The following GALNT1 variants were observed in gnomAD, a reference collection of about 807,000 sequenced individuals.
GALNT1 encodes GalNAc transferase 1.
GALNT1 carries 17 observed loss-of-function variants against 65.7 expected under a neutral mutation model. The observed-to-expected ratio is 0.26, with a 90% CI of 0.18 to 0.39. The LOEUF (loss-of-function observed/expected upper bound fraction) is 0.39, where lower values mean the gene tolerates loss of function less well. GALNT1 is among the 10% of genes least tolerant of loss of function. GALNT1 has a pLI of 1.00. For synonymous variants in GALNT1, 210 were observed against 219.7 expected, an observed-to-expected ratio of 0.96 and a Z score of 0.39; for missense variants, 460 against 672.8, an observed-to-expected ratio of 0.68 and a Z score of 3.50.
chr18:35,696,130 A>G (rs1266492002), intron 9 of GALNT1, among the ~76,000 whole-genome samples: 1 of 152,198 alleles, frequency 6.6e-6, no homozygotes, highest in African/African-American at 2.4e-5. Context: ...GCTGGCCTTA[A>G]GCCTTGTACG....
chr18:35,624,517 A>G (rs967968404), intron 1 of GALNT1, among the ~76,000 whole-genome samples: 1 of 152,160 alleles, frequency 6.6e-6, no homozygotes, highest in African/African-American at 2.4e-5. Context: ...CAGTTTGACA[A>G]TTTAGATATA....
intron 3 of GALNT1, chr18:35,664,516 T>G (rs2047518238): frequency 6.6e-6 from 1 of 152,292 alleles, no homozygotes; most frequent in Non-Finnish European, 1.5e-5. Context: ...TGTGACATTC[T>G]TGTTCATGTC....
chr18:35,698,819 A>T (rs1282241057), intron 9 of GALNT1, among the ~76,000 whole-genome samples: 1 of 152,028 alleles, frequency 6.6e-6, no homozygotes, highest in Non-Finnish European at 1.5e-5. Context: ...TCTACAAAAA[A>T]AAATAAAAAA....
intron 1 of GALNT1, among the ~76,000 whole-genome samples, chr18:35,594,314 T>C (rs896454753): frequency 6.6e-6 from 1 of 150,392 alleles, no homozygotes; most frequent in South Asian, 2.1e-4. Context: ...AACAAGGGAG[T>C]GTGAGGTAAA....
intron 3 of GALNT1, among the ~76,000 whole-genome samples, chr18:35,665,274 A>T (rs187986117): frequency 6.6e-6 from 1 of 152,360 alleles, no homozygotes; most frequent in Non-Finnish European, 1.5e-5. Flanking sequence ...TGAGAATAGG[A>T]TATTATTCAA....
intron 1 of GALNT1, among the ~76,000 whole-genome samples, chr18:35,628,453 A>G (rs1443263341): frequency 6.6e-6 from 1 of 152,214 alleles, no homozygotes; most frequent in African/African-American, 2.4e-5. Context: ...ACCCAGGCAA[A>G]CAGGGTCTGG....
intron 1 of GALNT1, among the ~76,000 whole-genome samples, chr18:35,635,650 C>G (rs1361899452): frequency 6.6e-6 from 1 of 152,068 alleles, no homozygotes; most frequent in African/African-American, 2.4e-5. Flanking sequence ...TAGATATACT[C>G]TTTAGAGTAT....
At chr18:35,608,643 CAAAA>C (rs745637301) in intron 1 of GALNT1, among the ~76,000 whole-genome samples, 1 of 152,074 alleles carries the variant, frequency 6.6e-6, no homozygotes, top group Non-Finnish European at 1.5e-5. Context: ...ATTGTAGACA[CAAAA>C]GAAAGACACG....
chr18:35,628,662 C>G (rs1249143651), intron 1 of GALNT1, among the ~76,000 whole-genome samples: 1 of 152,122 alleles, frequency 6.6e-6, no homozygotes, highest in African/African-American at 2.4e-5. Context: ...CAGAGCACCT[C>G]TCCTCCTCCA....
intron 1 of GALNT1, among the ~76,000 whole-genome samples, chr18:35,614,505 C>T (rs1316063087): frequency 2.6e-5 from 4 of 152,028 alleles, no homozygotes; most frequent in Admixed American, 2.6e-4. Flanking sequence ...GATAGAGAAA[C>T]ATTAATGGTA....
chr18:35,632,453 G>A (rs1371988336), intron 1 of GALNT1, among the ~76,000 whole-genome samples: 1 of 152,156 alleles, frequency 6.6e-6, no homozygotes, highest in Admixed American at 6.5e-5. Flanking sequence ...ATGGGGAAAG[G>A]ATTCCCTATT....
At chr18:35,599,084 G>C (rs2046544635) in intron 1 of GALNT1, among the ~76,000 whole-genome samples, 1 of 134,850 alleles carries the variant, frequency 7.4e-6, no homozygotes, top group Non-Finnish European at 1.6e-5. Flanking sequence ...ATTATTTGTT[G>C]TTTTGCTTTT....
At chr18:35,664,015 ATTAT>A (rs1313295469) in intron 3 of GALNT1, 4 of 490,108 alleles carry the variant, frequency 8.2e-6, no homozygotes, top group African/African-American at 6.0e-5. Flanking sequence ...TTGGAAGATA[ATTAT>A]TTATCTTAAT....
chr18:35,694,951 A>G (rs1246137357), intron 9 of GALNT1, among the ~76,000 whole-genome samples: 1 of 152,156 alleles, frequency 6.6e-6, no homozygotes, highest in Non-Finnish European at 1.5e-5. Flanking sequence ...CTCCTTATAT[A>G]AGGCAGCTAG....
chr18:35,669,315 T>G (rs1268070835), intron 3 of GALNT1, among the ~76,000 whole-genome samples: 4 of 152,180 alleles, frequency 2.6e-5, no homozygotes, highest in Non-Finnish European at 5.9e-5. Flanking sequence ...ATAGATGGCT[T>G]TGCCAATGAA....
chr18:35,613,490 A>C (rs1047216573), intron 1 of GALNT1, among the ~76,000 whole-genome samples: 1 of 152,200 alleles, frequency 6.6e-6, no homozygotes, highest in Non-Finnish European at 1.5e-5. Context: ...GAAATCTTGA[A>C]TCCAGGGAGG....
At chr18:35,598,837 A>G (rs1333904973) in intron 1 of GALNT1, among the ~76,000 whole-genome samples, 3 of 152,160 alleles carry the variant, frequency 2.0e-5, no homozygotes, top group Non-Finnish European at 4.4e-5. Context: ...ACTAATTTAC[A>G]TTCCCACCAA....
chr18:35,598,463 T>TA (rs772046499), intron 1 of GALNT1, among the ~76,000 whole-genome samples: 12 of 152,190 alleles, frequency 7.9e-5, no homozygotes, highest in Non-Finnish European at 1.6e-4. Context: ...AGTTCTCACA[T>TA]ACGAGTGAGA....
intron 1 of GALNT1, among the ~76,000 whole-genome samples, chr18:35,639,195 G>C (rs1348452665): frequency 6.6e-6 from 1 of 152,166 alleles, no homozygotes; most frequent in Non-Finnish European, 1.5e-5. Context: ...AATCTTTCAT[G>C]AAAGGAAGAG....
Sources: allele counts gnomAD v4.1 joint callset (sites outside exome capture counted in the v4.1 genomes callset), GRCh38; gene constraint gnomAD v4.1.1; transcripts MANE v1.5; gene names NCBI Gene and HGNC (gene_info 2026-07-23, HGNC 2026-07-21).